HERC1: variants seen among roughly 807,000 people sequenced by gnomAD.
HERC1 encodes the protein probable E3 ubiquitin-protein ligase HERC1.
Under a neutral mutation model 554.3 loss-of-function variants are expected in HERC1, and 160 were observed. The ratio of observed to expected loss-of-function variants is 0.29; its 90% confidence interval spans 0.25 to 0.33. The LOEUF is 0.33. HERC1 is among the 10% of genes least tolerant of loss of function. The pLI is 1.00. For missense variants in HERC1, 4,919 were observed against 5,918.5 expected, an observed-to-expected ratio of 0.83 and a Z score of 5.54; for synonymous variants, 2,175 against 2,131.7, an observed-to-expected ratio of 1.02 and a Z score of -0.56.
chr15:63,641,463 G>A lies in HERC1; in HGVS notation c.11607+7C>T, dbSNP rs992653380. 1.1e-5 allele frequency: 17 copies of A among 1,607,690 alleles called. No homozygotes were observed. The highest frequency in any genetic ancestry group is 1.4e-5 in the Non-Finnish European group (16 of 1,175,730). On this transcript the variant is annotated splice_region_variant and intron_variant, in intron 60 of 77. Coordinates refer to ENST00000443617, the MANE Select transcript of HERC1 (RefSeq NM_003922.4). ...GTGTATCTCTAGGAGTGAGTGTAAT[G>A]AGTTACCTTTTCATAGGCATACTGC...
At position 63,634,747 on chromosome 15, in the gene HERC1, A is replaced by G. The variant is rs185616997; in HGVS notation, c.12556T>C (p.Tyr4186His). ...LPERVTALEG[Y>H]QIGQVACGLN... ...TTATTCCATGCCTGTCCAATCTGAT[A>G]TCCCTCCAGTGCAGTCACTCTCTCT... is the stretch of plus-strand genomic sequence containing the variant. The change falls in exon 66 of 78, where the codon TAT becomes CAT. Residue 4186 changes from tyrosine to histidine, a missense_variant. Physicochemically the swap from Tyr to His is moderately conservative, Grantham distance 83. This residue lies in a region of HERC1 where 410 missense variants were observed against 467.0 expected (regional missense o/e 0.88). Transcript: ENST00000443617. 2.7e-5 allele frequency: 44 copies of G among 1,612,834 alleles called. No homozygotes were observed. Among genetic ancestry groups the G allele is most frequent in the Admixed American group, 6.7e-5 (4 of 59,872 alleles).
rs574892705 is a variant in HERC1 at position 63,707,179 on chromosome 15, G to C, written c.4585-348C>G. Among the ~76,000 whole-genome samples the C allele has an allele frequency of 3.3e-5, 5 of 152,182 alleles. No individual in the cohort carries two copies. In the South Asian group the frequency reaches 1.0e-3, roughly 32 times the overall value. On this transcript the variant is annotated intron_variant, in intron 24 of 77. Coordinates refer to ENST00000443617, the MANE Select transcript of HERC1 (RefSeq NM_003922.4). ...TCCGGATGCCTAAAGCCTTGAAGTA[G>C]TGCCTTATTTTCCAAAATTACTACT...
chr15:63,755,412 A>G, intron 5 of HERC1, 87 bp from the exon 6 acceptor site: 1 of 1,005,568 alleles, frequency 9.9e-7, no homozygotes, highest in Non-Finnish European at 1.5e-6. Flanking sequence ...GACTTCACAG[A>G]TACTAATATT....
In HERC1 at chr15:63,692,328, A is replaced by C; in HGVS notation, c.5830+83T>G. 9.8e-7 allele frequency: 1 copy of C among 1,024,256 alleles called. No homozygotes were observed. Among genetic ancestry groups the C allele is most frequent in the East Asian group, 2.6e-5 (1 of 38,512 alleles). 63.4% of individuals were successfully genotyped at this position (1,024,256 alleles called of 1,614,324 possible). ...GCCTTCAAATCAAGGTTACACATGG[A>C]GTGTTGCTAAAGTCTGGCATTATCT... On this transcript the variant is annotated intron_variant, in intron 31 of 77. Transcript: ENST00000443617. This position sits in a 1 kb window ranked among gnomAD's most constrained non-coding sequence, Gnocchi z 4.7.
At chr15:63,751,010 G>T (rs2141845159) in intron 8 of HERC1, among the ~76,000 whole-genome samples, 1 of 152,280 alleles carries the variant, frequency 6.6e-6, no homozygotes, top group South Asian at 2.1e-4. Context: ...AATGCAACAA[G>T]ATTCCAGTAC....
Position 63,612,623 on chromosome 15 carries a change from G to A in HERC1, c.14095-67C>T. On this transcript the variant is annotated intron_variant, in intron 76 of 77. Coordinates refer to ENST00000443617, the MANE Select transcript of HERC1 (RefSeq NM_003922.4). The surrounding 1 kb of genome is among the most constrained non-coding windows in gnomAD (Gnocchi z 5.0). ...ACCTGGCACCCACCAAGGGCCCTGT[G>A]GGGCTAGGCGCCTCCTGATGCCTGC... is the stretch of plus-strand genomic sequence containing the variant. 6.7e-7 allele frequency: 1 copy of A among 1,498,364 alleles called. No individual in the cohort carries two copies. Among genetic ancestry groups the A allele is most frequent in the Admixed American group, 1.9e-5 (1 of 53,640 alleles). The allele number at this position is 1,498,364 out of a possible 1,614,324, so 92.8% of individuals were successfully genotyped here.
At chr15:63,725,082 T>C (rs979717811) in intron 18 of HERC1, among the ~76,000 whole-genome samples, 2 of 152,162 alleles carry the variant, frequency 1.3e-5, no homozygotes, top group African/African-American at 4.8e-5. Flanking sequence ...GACCTACAAT[T>C]TCTATTTCCT....
rs1159696217 is a variant in HERC1 at position 63,645,570 on chromosome 15, T to A, written c.10991A>T (p.His3664Leu). ...GSISGCWCCLHSLCHPSIVNG... is the reference protein window; with the variant it reads ...GSISGCWCCLLSLCHPSIVNG... ...TACAATAGATGGATGGCAGAGTGAA[T>A]GTAGACAGCACCAGCATCCCGAAAT... The change falls in exon 56 of 78, where the codon CAT becomes CTT. Residue 3664 changes from histidine (H) to leucine (L), a missense_variant. His to Leu is a moderately conservative substitution (Grantham distance 99). Coordinates refer to ENST00000443617, the MANE Select transcript of HERC1 (RefSeq NM_003922.4). The A allele has an allele frequency of 4.3e-6, 7 of 1,613,514 alleles. No homozygotes were observed. Among genetic ancestry groups the A allele is most frequent in the Non-Finnish European group, 5.1e-6 (6 of 1,179,728 alleles).
Position 63,698,773 on chromosome 15 carries a change from G to A in HERC1, c.4860C>T (p.Pro1620=), listed in dbSNP as rs1016541471. The stretch of plus-strand genomic sequence containing the variant: ...GTTCCATTGCAATGATGGAGGCCTG[G>A]GGACTTGTAGACATACTTTCCTCTG... ...KEPEESMSTS[P]QASIIAMEQQ... Residue 1620 remains proline, a synonymous_variant, in exon 26 of 78, where the codon CCC becomes CCT. Transcript: ENST00000443617. The A allele has an allele frequency of 1.2e-6, 2 of 1,613,896 alleles. No individual in the cohort carries two copies. The highest frequency in any genetic ancestry group is 1.7e-5 in the Admixed American group (1 of 60,012).
intron 42 of HERC1, 41 bp from the exon 43 acceptor site, chr15:63,664,635 C>T: frequency 6.3e-7 from 1 of 1,586,078 alleles, no homozygotes; most frequent in East Asian, 2.3e-5. Context: ...GTTTTTGAAA[C>T]CATTATGGAA....
Position 63,723,174 on chromosome 15 carries a change from T to C in HERC1, c.3742+8A>G. 1.4e-6 allele frequency: 2 copies of C among 1,421,136 alleles called. No homozygotes were observed. The highest frequency in any genetic ancestry group is 1.4e-5 in the African/African-American group (1 of 70,260). 88.0% of individuals were successfully genotyped at this position (1,421,136 alleles called of 1,614,324 possible). On this transcript the variant is annotated splice_region_variant and intron_variant, in intron 19 of 77. Coordinates refer to ENST00000443617, the MANE Select transcript of HERC1 (RefSeq NM_003922.4). Reference sequence around the variant, plus strand: ...ACAAATTTACTCCCTTTATCTTCTTTATCTTACCTTTACTAACAGCATAGT... The same window carrying C: ...ACAAATTTACTCCCTTTATCTTCTTCATCTTACCTTTACTAACAGCATAGT...
intron 25 of HERC1, among the ~76,000 whole-genome samples, chr15:63,701,270 TATTC>T (rs1272518406): frequency 6.6e-6 from 1 of 152,194 alleles, no homozygotes; most frequent in Non-Finnish European, 1.5e-5. Flanking sequence ...TAGTCTTACA[TATTC>T]ATTATTAACC....
chr15:63,746,311 A>C (rs1346955319), intron 12 of HERC1, among the ~76,000 whole-genome samples: 1 of 152,088 alleles, frequency 6.6e-6, no homozygotes, highest in Non-Finnish European at 1.5e-5. Flanking sequence ...CACTGGTTTA[A>C]AAATTACTGT....
At chr15:63,652,094 C>G (rs921527578) in intron 52 of HERC1, among the ~76,000 whole-genome samples, 1 of 152,076 alleles carries the variant, frequency 6.6e-6, no homozygotes, top group African/African-American at 2.4e-5. Flanking sequence ...CATTCTGATA[C>G]GGAAGCAATA....
At chr15:63,744,895 C>G (rs1431293477) in intron 12 of HERC1, among the ~76,000 whole-genome samples, 9 of 152,174 alleles carry the variant, frequency 5.9e-5, no homozygotes, top group Non-Finnish European at 1.3e-4. Flanking sequence ...GAGGCTCACC[C>G]AAAGCCCTTG....
rs1461903480 is a variant in HERC1, at chr15:63,825,942, T to C, written c.-27+7885A>G. On this transcript the variant is annotated intron_variant, in intron 1 of 77. Coordinates refer to ENST00000443617, the MANE Select transcript of HERC1 (RefSeq NM_003922.4). Reference sequence around the variant, plus strand: ...CATGCTCAGTTAATTTTTGTTTTTTTAGTAGAGACGGGGTTTCACCATGTT... The same window carrying C: ...CATGCTCAGTTAATTTTTGTTTTTTCAGTAGAGACGGGGTTTCACCATGTT... Among the ~76,000 whole-genome samples the C allele has an allele frequency of 5.3e-5, 8 of 152,060 alleles. No individual in the cohort carries two copies. In the East Asian group the frequency reaches 1.2e-3, roughly 22 times the overall value.
At chr15:63,812,070 G>A (rs772697435) in intron 1 of HERC1, among the ~76,000 whole-genome samples, 2 of 152,086 alleles carry the variant, frequency 1.3e-5, no homozygotes, top group Non-Finnish European at 2.9e-5. Flanking sequence ...TGTAACTCTC[G>A]CTCAAAAATG....
At chr15:63,767,903 G>A (rs1363279401) in intron 2 of HERC1, among the ~76,000 whole-genome samples, 2 of 152,196 alleles carry the variant, frequency 1.3e-5, no homozygotes, top group Non-Finnish European at 2.9e-5. Flanking sequence ...CAAAGCTGCA[G>A]AGAAGTTTAA....
At chr15:63,646,140 T>C (rs931654000) in intron 55 of HERC1, among the ~76,000 whole-genome samples, 5 of 152,216 alleles carry the variant, frequency 3.3e-5, no homozygotes, top group African/African-American at 1.2e-4. Context: ...GCTCTTCTGA[T>C]TTTATTTTTA....
Sources: gnomAD v4.1 joint callset for allele counts (sites outside exome capture counted in the v4.1 genomes callset) on GRCh38, gnomAD v4.1.1 for gene constraint, gnomAD v4.1.1 regional missense constraint, Gnocchi (gnomAD v3.1) non-coding constraint, MANE v1.5 for transcripts, NCBI Gene and HGNC (gene_info 2026-07-23, HGNC 2026-07-21) for gene names.